Variants in RNF220 observed in about 807,000 individuals in gnomAD.
The protein encoded by RNF220 is ring finger protein 220.
Under a neutral mutation model 67.1 loss-of-function variants are expected in RNF220, and 7 were observed. The observed-to-expected ratio is 0.10, with a 90% CI of 0.06 to 0.20. The LOEUF (loss-of-function observed/expected upper bound fraction) is 0.20. Ranked by LOEUF, RNF220 falls within the 10% of genes least tolerant of loss-of-function variation. RNF220 has a pLI of 1.00. For synonymous variants in RNF220, 270 were observed against 283.2 expected (o/e 0.95, Z 0.47); for missense variants, 565 against 740.3 (o/e 0.76, Z 2.75).
At position 44,646,563 on chromosome 1, in the gene RNF220, C is replaced by T. The variant is rs370145701; in HGVS notation, c.1445+1075C>T. Among the ~76,000 whole-genome samples the T allele has an allele frequency of 3.8e-3, 571 of 152,264 alleles. 1 individual carries two copies. Among genetic ancestry groups the T allele is most frequent in the Non-Finnish European group, 5.7e-3 (386 of 68,000 alleles). Reference sequence around the variant, plus strand: ...TCTCTCCTACTCCAGCTGAGCAGGGCGGGCGGGGTTGTAAGGGGCACCCAC... The same window carrying T: ...TCTCTCCTACTCCAGCTGAGCAGGGTGGGCGGGGTTGTAAGGGGCACCCAC... On this transcript the variant is annotated intron_variant, in intron 12 of 14. Coordinates refer to ENST00000361799, the MANE Select transcript of RNF220 (RefSeq NM_018150.4).
At chr1:44,474,022 C>A (rs1655052203) in intron 2 of RNF220, among the ~76,000 whole-genome samples, 2 of 151,998 alleles carry the variant, frequency 1.3e-5, no homozygotes, top group East Asian at 3.9e-4. Flanking sequence ...TTCACAGATT[C>A]CGCATCCACA....
chr1:44,591,226 T>G (rs1180410308), intron 2 of RNF220, among the ~76,000 whole-genome samples: 5 of 152,214 alleles, frequency 3.3e-5, no homozygotes, highest in African/African-American at 7.2e-5. Context: ...ATGCTGGGAT[T>G]ACAGGCATGA....
chr1:44,445,600 T>C (rs1651994775), intron 2 of RNF220, among the ~76,000 whole-genome samples: 1 of 152,204 alleles, frequency 6.6e-6, no homozygotes, highest in East Asian at 1.9e-4. Context: ...GCATTTGCCA[T>C]GGTTACCCTT....
intron 2 of RNF220, among the ~76,000 whole-genome samples, chr1:44,539,252 T>TC (rs1661489089): frequency 6.6e-6 from 1 of 151,960 alleles, no homozygotes; most frequent in African/African-American, 2.4e-5. Context: ...AAAGTTCTAT[T>TC]CCTATGGTTC....
intron 2 of RNF220, among the ~76,000 whole-genome samples, chr1:44,468,750 CA>C: frequency 6.6e-6 from 1 of 151,606 alleles, no homozygotes; most frequent in East Asian, 1.9e-4. Flanking sequence ...TCGGTCTCTA[CA>C]AAAAAATACA....
intron 2 of RNF220, among the ~76,000 whole-genome samples, chr1:44,473,454 G>A (rs1413544661): frequency 3.1e-5 from 4 of 128,696 alleles, no homozygotes; most frequent in African/African-American, 8.8e-5. Flanking sequence ...GTAGAAAGGT[G>A]GAACTTTTCT....
At chr1:44,560,417 G>GT (rs1663476198) in intron 2 of RNF220, among the ~76,000 whole-genome samples, 2 of 152,140 alleles carry the variant, frequency 1.3e-5, no homozygotes, top group African/African-American at 2.4e-5. Context: ...TGGAGGTAGA[G>GT]TCGGTGGTGA....
intron 2 of RNF220, among the ~76,000 whole-genome samples, chr1:44,469,986 G>T (rs557326720): frequency 6.6e-6 from 1 of 151,174 alleles, no homozygotes; most frequent in Admixed American, 6.6e-5. Context: ...GGATGAAGGC[G>T]TAAAGGACAC....
chr1:44,550,463 G>A (rs1662538377), intron 2 of RNF220, among the ~76,000 whole-genome samples: 1 of 152,174 alleles, frequency 6.6e-6, no homozygotes, highest in Non-Finnish European at 1.5e-5. Flanking sequence ...CTGAAATCAG[G>A]GACAACAGAG....
intron 2 of RNF220, among the ~76,000 whole-genome samples, chr1:44,422,080 C>T (rs529088829): frequency 5.9e-4 from 90 of 152,346 alleles, no homozygotes; most frequent in African/African-American, 2.1e-3. Context: ...GTCCTCAGCC[C>T]TTCCCACATA....
At chr1:44,596,986 G>T (rs1407116269) in intron 2 of RNF220, among the ~76,000 whole-genome samples, 2 of 152,216 alleles carry the variant, frequency 1.3e-5, no homozygotes, top group Non-Finnish European at 2.9e-5. Context: ...AAGCGAGTGG[G>T]AGAGAGGAAG....
chr1:44,626,537 G>A lies in RNF220; in HGVS notation c.906+139G>A, dbSNP rs79200252. ...CTGGGTTTGGTTCCCCCTGTGTCCCGTGCCCCTAAGTGAACTCAGGAGGCA... is the reference window on the plus strand; with the variant it reads ...CTGGGTTTGGTTCCCCCTGTGTCCCATGCCCCTAAGTGAACTCAGGAGGCA... On this transcript the variant is annotated intron_variant, in intron 5 of 14. Transcript: ENST00000361799. 10,159 of 645,512 alleles carry A rather than the reference G, an allele frequency of 0.016. 805 individuals are homozygous for A. In the African/African-American group the frequency reaches 0.17, roughly 11 times the overall value. 40.0% of individuals were successfully genotyped at this position (645,512 alleles called of 1,614,324 possible).
At chr1:44,617,603 G>T (rs1213740002) in intron 3 of RNF220, among the ~76,000 whole-genome samples, 1 of 152,264 alleles carries the variant, frequency 6.6e-6, no homozygotes, top group Admixed American at 6.5e-5. Context: ...CCCCGCCCCT[G>T]CCCGCTCTCG....
At chr1:44,635,485 C>G in intron 6 of RNF220, 60 bp from the exon 7 acceptor site, 1 of 1,588,608 alleles carries the variant, frequency 6.3e-7, no homozygotes, top group East Asian at 2.2e-5. Flanking sequence ...CCACTGGGAC[C>G]CTGGGGGCTG....
chr1:44,491,570 A>G (rs1463890388), intron 2 of RNF220, among the ~76,000 whole-genome samples: 3 of 152,160 alleles, frequency 2.0e-5, no homozygotes, highest in Non-Finnish European at 4.4e-5. Flanking sequence ...ACATTCAACA[A>G]ACTAGGAATA....
intron 2 of RNF220, among the ~76,000 whole-genome samples, chr1:44,436,048 TC>T (rs1650934601): frequency 6.6e-6 from 1 of 152,142 alleles, no homozygotes; most frequent in Non-Finnish European, 1.5e-5. Context: ...TCCTTCCATT[TC>T]CAAGTTTAAC....
At chr1:44,528,844 C>T (rs1490982883) in intron 2 of RNF220, among the ~76,000 whole-genome samples, 3 of 149,170 alleles carry the variant, frequency 2.0e-5, no homozygotes, top group African/African-American at 7.4e-5. Context: ...TAACTCCTGA[C>T]CTCAGGCGAT....
Position 44,543,985 on chromosome 1 carries a change from C to T in RNF220, c.626-70180C>T, listed in dbSNP as rs1268401472. ...AACTCTTGCATTATGCCCAGTTGCC[C>T]GGAACTGGTCCCAGCTGGACAGCAG... is the stretch of plus-strand genomic sequence containing the variant. On this transcript the variant is annotated intron_variant, in intron 2 of 14. Transcript: ENST00000361799. 2.0e-5 allele frequency among the ~76,000 whole-genome samples: 3 copies of T among 152,192 alleles called. No individual in the cohort carries two copies. The East Asian group carries it at 5.8e-4, about 29-fold the overall frequency.
chr1:44,593,932 A>G (rs1666286472), intron 2 of RNF220, among the ~76,000 whole-genome samples: 1 of 152,070 alleles, frequency 6.6e-6, no homozygotes, highest in Admixed American at 6.5e-5. Flanking sequence ...TAAAAATACA[A>G]AAATTAGCCG....
Sources: gnomAD v4.1 joint callset for allele counts (sites outside exome capture counted in the v4.1 genomes callset) on GRCh38, gnomAD v4.1.1 for gene constraint, MANE v1.5 for transcripts, NCBI Gene and HGNC (gene_info 2026-07-23, HGNC 2026-07-21) for gene names.